Variants in MS4A10 observed in about 807,000 individuals in gnomAD.
MS4A10 encodes membrane spanning 4-domains A10, also known as membrane-spanning 4-domains subfamily A member 10.
In MS4A10, 27 loss-of-function variants were observed where a neutral mutation model predicts 27.7. That is an observed-to-expected ratio of 0.98 (90% CI 0.72 to 1.35). The LOEUF is 1.35. Ranked by LOEUF, MS4A10 falls within the 40% of genes most tolerant of loss-of-function variation. MS4A10 has a pLI of 0.00. For missense variants in MS4A10, 338 were observed against 324.7 expected (o/e 1.04, Z -0.32); for synonymous variants, 139 against 131.2 (o/e 1.06, Z -0.41).
chr11:60,789,159 C>T (rs1174021239), intron 1 of MS4A10, among the ~76,000 whole-genome samples: 1 of 152,230 alleles, frequency 6.6e-6, no homozygotes, highest in Admixed American at 6.5e-5. Context: ...AATGGAACTT[C>T]CTGGATCCAC....
chr11:60,799,719 G>C, intron 7 of MS4A10, 109 bp from the exon 8 acceptor site: 1 of 681,922 alleles, frequency 1.5e-6, no homozygotes, highest in Non-Finnish European at 2.7e-6. Context: ...ATCTTTACTG[G>C]GCCACTGACT....
chr11:60,786,282 C>T (rs1370349086), intron 1 of MS4A10, among the ~76,000 whole-genome samples: 3 of 152,078 alleles, frequency 2.0e-5, no homozygotes, highest in Non-Finnish European at 4.4e-5. Flanking sequence ...ATTCATGCCA[C>T]GTTTCCTCTG....
In MS4A10 at chr11:60,795,628, C is replaced by T. The variant is rs1285301068; in HGVS notation, c.566C>T (p.Ala189Val). 1.9e-6 allele frequency: 3 copies of T among 1,594,678 alleles called. No individual in the cohort carries two copies. Among genetic ancestry groups the T allele is most frequent in the Non-Finnish European group, 2.6e-6 (3 of 1,170,452 alleles). ...VLELFLPVPT[A>V]VTAWRGDCPS... ...GAGCTCTTCCTGCCAGTGCCCACAG[C>T]TGTCACAGCCTGGAGAGGGGACTGC... is the stretch of plus-strand genomic sequence containing the variant. The change falls in exon 6 of 8, where the codon GCT becomes GTT. Residue 189 changes from alanine to valine, a missense_variant. By Grantham distance (64) the Ala-to-Val change is moderately conservative. Transcript: ENST00000308287.
intron 5 of MS4A10, among the ~76,000 whole-genome samples, chr11:60,794,437 G>A (rs1398235418): frequency 2.0e-5 from 3 of 152,228 alleles, no homozygotes; most frequent in Non-Finnish European, 4.4e-5. Flanking sequence ...AGGGCTCTAA[G>A]CATGGTGTGC....
chr11:60,796,239 G>A (rs971703638), intron 6 of MS4A10, among the ~76,000 whole-genome samples: 1 of 152,026 alleles, frequency 6.6e-6, no homozygotes, highest in African/African-American at 2.4e-5. Context: ...ATATAGACGT[G>A]CAGATATACA....
In MS4A10 at chr11:60,794,100, C is replaced by T. The variant is rs1428685705; in HGVS notation, c.489C>T (p.Ser163=). ...ESPIWRMYPN[S]TVHIQRLELA... ...CGATCTGGAGAATGTACCCCAACTC[C>T]ACGGTGAGTACCCAGGCCTGGAGGG... The change falls in exon 5 of 8, where the codon TCC becomes TCT. Residue 163 remains serine (S), a synonymous_variant. Coordinates refer to ENST00000308287, the MANE Select transcript of MS4A10 (RefSeq NM_206893.4). 1.2e-6 allele frequency: 2 copies of T among 1,614,094 alleles called. No homozygotes were observed. The highest frequency in any genetic ancestry group is 2.2e-5 in the East Asian group (1 of 44,878).
intron 6 of MS4A10, among the ~76,000 whole-genome samples, chr11:60,796,288 C>A (rs1380064145): frequency 2.0e-5 from 3 of 151,960 alleles, no homozygotes; most frequent in African/African-American, 2.4e-5. Context: ...TTCTCAATAA[C>A]CCTTTTTCTT....
intron 6 of MS4A10, among the ~76,000 whole-genome samples, chr11:60,796,263 G>C (rs1854530813): frequency 1.3e-5 from 2 of 152,010 alleles, no homozygotes; most frequent in African/African-American, 4.8e-5. Flanking sequence ...AAATATAGCT[G>C]TATTTAACTT....
chr11:60,799,387 G>C (rs1163747034), intron 7 of MS4A10, among the ~76,000 whole-genome samples: 1 of 152,026 alleles, frequency 6.6e-6, no homozygotes, highest in African/African-American at 2.4e-5. Context: ...ATGTATTCTG[G>C]TTTTTTTTCC....
chr11:60,796,446 C>T (rs562504791), intron 6 of MS4A10, among the ~76,000 whole-genome samples: 2 of 152,102 alleles, frequency 1.3e-5, no homozygotes, highest in Non-Finnish European at 2.9e-5. Context: ...CCATACCTGG[C>T]TAATTTTTGT....
intron 3 of MS4A10, among the ~76,000 whole-genome samples, chr11:60,791,347 G>A (rs964468160): frequency 1.3e-5 from 2 of 152,112 alleles, no homozygotes; most frequent in African/African-American, 2.4e-5. Flanking sequence ...TCCCATAATT[G>A]AATATGTGCA....
Position 60,790,364 on chromosome 11 carries a change from GC to G in MS4A10, c.31del (p.Arg11ValfsTer71), listed in dbSNP as rs757696948. 2 of 1,614,050 alleles carry G rather than the reference GC, an allele frequency of 1.2e-6. No individual in the cohort carries two copies. Among genetic ancestry groups the G allele is most frequent in the Non-Finnish European group, 1.7e-6 (2 of 1,179,978 alleles). MKAEATVIP[S>X]RCARGLPSWQ... ...AAAGCAGAAGCCACAGTTATTCCCA[GC>G]CGTTGTGCTAGGGGGCTCCCATCAT... On this transcript the variant is annotated frameshift_variant, in exon 2 of 8. Transcript: ENST00000308287. LOFTEE classifies it high-confidence loss of function.
At chr11:60,792,153 C>G in intron 3 of MS4A10, 112 bp from the exon 4 acceptor site, 2 of 819,572 alleles carry the variant, frequency 2.4e-6, no homozygotes, top group South Asian at 2.8e-5. Context: ...GTATTCCCTG[C>G]CCCACTGGCC....
At chr11:60,788,325 C>G (rs1854373159) in intron 1 of MS4A10, among the ~76,000 whole-genome samples, 1 of 152,238 alleles carries the variant, frequency 6.6e-6, no homozygotes, top group African/African-American at 2.4e-5. Context: ...ACAGCTCTCA[C>G]AAGTGAATGT....
At chr11:60,799,061 T>G (rs183536370) in intron 7 of MS4A10, among the ~76,000 whole-genome samples, 16 of 152,342 alleles carry the variant, frequency 1.1e-4, no homozygotes, top group African/African-American at 3.8e-4. Context: ...ATAGAAACTG[T>G]GTACAGTTCT....
intron 6 of MS4A10, among the ~76,000 whole-genome samples, chr11:60,796,837 A>G (rs948438682): frequency 6.6e-5 from 10 of 152,176 alleles, no homozygotes; most frequent in Admixed American, 6.5e-4. Context: ...GATGTTTTAT[A>G]AAAGAAAAAA....
Position 60,801,202 on chromosome 11 carries a change from G to A in MS4A10, c.*1293G>A, listed in dbSNP as rs1246528558. Reference sequence around the variant, plus strand: ...TAGCTCTGCCAATCACTTACTGTGCGGGTTTGACTCAGTCCCTTCCCCTCA... The same window carrying A: ...TAGCTCTGCCAATCACTTACTGTGCAGGTTTGACTCAGTCCCTTCCCCTCA... On this transcript the variant is annotated 3_prime_UTR_variant, in exon 8 of 8. Coordinates refer to ENST00000308287, the MANE Select transcript of MS4A10 (RefSeq NM_206893.4). The A allele has an allele frequency of 5.9e-5, 9 of 152,214 alleles. No individual in the cohort carries two copies. The highest frequency in any genetic ancestry group is 3.8e-4 in the East Asian group (2 of 5,204). 9.4% of individuals were successfully genotyped at this position (152,214 alleles called of 1,614,324 possible).
chr11:60,794,002 A>T lies in MS4A10; in HGVS notation c.391A>T (p.Ser131Cys), dbSNP rs1202106939. The part of the protein sequence containing the change: ...KMLCLMTNLI[S>C]LFCVLSGLFV... ...GTTGTGCCTGATGACAAACCTCATC[A>T]GCCTCTTTTGCGTGCTGTCTGGCCT... Residue 131 changes from serine (S) to cysteine (C), a missense_variant, in exon 5 of 8, where the codon AGC becomes TGC. Coordinates refer to ENST00000308287, the MANE Select transcript of MS4A10 (RefSeq NM_206893.4). 1 of 1,614,164 alleles carries T rather than the reference A, an allele frequency of 6.2e-7. No homozygotes were observed. The highest frequency in any genetic ancestry group is 8.5e-7 in the Non-Finnish European group (1 of 1,180,024).
At chr11:60,791,671 G>A (rs1183516972) in intron 3 of MS4A10, among the ~76,000 whole-genome samples, 1 of 152,202 alleles carries the variant, frequency 6.6e-6, no homozygotes, top group Non-Finnish European at 1.5e-5. Context: ...CACTGTCTTG[G>A]GCAAGTATCC....
Sources: gnomAD v4.1 joint callset for allele counts (sites outside exome capture counted in the v4.1 genomes callset) on GRCh38, gnomAD v4.1.1 for gene constraint, MANE v1.5 for transcripts, NCBI Gene and HGNC (gene_info 2026-07-23, HGNC 2026-07-21) for gene names.